Variants in PRSS23 observed in about 807,000 individuals in gnomAD.
PRSS23 encodes the protein protease, serine 23.
A neutral mutation model predicts 34.7 loss-of-function variants in PRSS23; 25 were observed. That is an observed-to-expected ratio of 0.72 (90% CI 0.53 to 1.01). PRSS23 has a LOEUF of 1.01. PRSS23 is among the 50% of genes least tolerant of loss of function. The pLI, the probability that PRSS23 is intolerant of heterozygous loss-of-function variation, is 0.00. For missense variants in PRSS23, 445 were observed against 475.6 expected, an observed-to-expected ratio of 0.94 and a Z score of 0.60; for synonymous variants, 176 against 186.6, an observed-to-expected ratio of 0.94 and a Z score of 0.46.
intron 2 of PRSS23, chr11:86,922,000 G>A (rs1382082962): frequency 6.6e-6 from 1 of 152,118 alleles, no homozygotes; most frequent in Non-Finnish European, 1.5e-5. Context: ...GGCTTCCAAG[G>A]CACAAAGCAG....
intron 2 of PRSS23, among the ~76,000 whole-genome samples, chr11:86,941,457 C>T (rs1346358976): frequency 6.6e-6 from 1 of 151,370 alleles, no homozygotes; most frequent in Non-Finnish European, 1.5e-5. Flanking sequence ...GTGGCTGGCA[C>T]ACGATGGACC....
chr11:86,892,123 ACTGGGGAACC>A (rs1164241864), intron 2 of PRSS23: 3 of 152,240 alleles, frequency 2.0e-5, no homozygotes. Flanking sequence ...ATAGCCAGAA[ACTGGGGAACC>A]CAAAGCCAAC....
intron 2 of PRSS23, among the ~76,000 whole-genome samples, chr11:86,920,237 A>T (rs1208530009): frequency 1.3e-5 from 2 of 152,182 alleles, no homozygotes; most frequent in African/African-American, 4.8e-5. Flanking sequence ...CCATTCATAA[A>T]ATAAGAAAAA....
intron 2 of PRSS23, among the ~76,000 whole-genome samples, chr11:86,829,133 G>A (rs565143817): frequency 9.2e-5 from 14 of 152,186 alleles, no homozygotes; most frequent in Non-Finnish European, 1.9e-4. Context: ...AGGTACACCA[G>A]TCAGATGTAG....
intron 2 of PRSS23, among the ~76,000 whole-genome samples, chr11:86,853,403 G>A (rs1411771500): frequency 6.6e-6 from 1 of 150,972 alleles, no homozygotes; most frequent in Admixed American, 6.6e-5. Flanking sequence ...ACAGGCATGC[G>A]CCACCATGCC....
At chr11:86,826,457 T>C (rs924806684) in intron 2 of PRSS23, among the ~76,000 whole-genome samples, 6 of 152,116 alleles carry the variant, frequency 3.9e-5, no homozygotes, top group African/African-American at 7.2e-5. Context: ...ATTTGACTTC[T>C]TCTTTTCCTA....
chr11:86,901,733 C>T (rs1446738170), intron 2 of PRSS23, among the ~76,000 whole-genome samples: 1 of 152,124 alleles, frequency 6.6e-6, no homozygotes, highest in Non-Finnish European at 1.5e-5. Flanking sequence ...ATTAGCTGTA[C>T]CTCCAGAGAA....
chr11:86,860,180 A>T (rs1429018915), intron 2 of PRSS23, among the ~76,000 whole-genome samples: 4 of 151,832 alleles, frequency 2.6e-5, no homozygotes, highest in South Asian at 2.1e-4. Context: ...ATATGGGGAG[A>T]GGAAGATATT....
At chr11:86,818,993 G>A (rs2134871008) in intron 1 of PRSS23, among the ~76,000 whole-genome samples, 1 of 152,266 alleles carries the variant, frequency 6.6e-6, no homozygotes, top group South Asian at 2.1e-4. Context: ...GTAATCTGGT[G>A]GCACAGGATG....
chr11:86,848,789 A>C (rs1459163956), intron 2 of PRSS23, among the ~76,000 whole-genome samples: 1 of 152,174 alleles, frequency 6.6e-6, no homozygotes, highest in Non-Finnish European at 1.5e-5. Context: ...ATGGAAAAGC[A>C]AGATAAGAGA....
Position 86,808,534 on chromosome 11 carries a change from C to G in PRSS23, c.891C>G (p.Val297=), listed in dbSNP as rs1353097175. 1 of 1,614,092 alleles carries G rather than the reference C, an allele frequency of 6.2e-7. No homozygotes were observed. The highest frequency in any genetic ancestry group is 8.5e-7 in the Non-Finnish European group (1 of 1,180,056). The change falls in exon 2 of 2, where the codon GTC becomes GTG. Residue 297 remains valine (V), a synonymous_variant. Coordinates refer to ENST00000280258, the MANE Select transcript of PRSS23 (RefSeq NM_007173.6). ...ATTTGGTGTATCGCTTCTGTGACGTCAAAGACGAGACCTATGACTTGCTCT... is the reference window on the plus strand; with the variant it reads ...ATTTGGTGTATCGCTTCTGTGACGTGAAAGACGAGACCTATGACTTGCTCT... The part of the protein sequence containing the change: ...PGNLVYRFCD[V]KDETYDLLYQ...
intron 2 of PRSS23, among the ~76,000 whole-genome samples, chr11:86,836,321 G>T (rs2134896943): frequency 6.6e-6 from 1 of 152,174 alleles, no homozygotes; most frequent in South Asian, 2.1e-4. Flanking sequence ...TGGGCCTTGG[G>T]GTCTAAGGGG....
At chr11:86,811,731 G>A (rs940192419), downstream of PRSS23, among the ~76,000 whole-genome samples, 1 of 152,078 alleles carries the variant, frequency 6.6e-6, no homozygotes, top group Non-Finnish European at 1.5e-5. Context: ...ACCTGGTGAT[G>A]CCTGGATCAT....
chr11:86,881,270 T>A (rs1487491936), intron 2 of PRSS23, among the ~76,000 whole-genome samples: 2 of 151,646 alleles, frequency 1.3e-5, no homozygotes, highest in Non-Finnish European at 2.9e-5. Context: ...TTTTTTTTTT[T>A]TATCATGAAA....
At chr11:86,907,173 G>A (rs1948948945) in intron 2 of PRSS23, among the ~76,000 whole-genome samples, 2 of 152,042 alleles carry the variant, frequency 1.3e-5, no homozygotes, top group Admixed American at 6.5e-5. Context: ...GTGTATATAC[G>A]TACATGTATA....
chr11:86,805,870 A>T (rs1948095096), intron 1 of PRSS23, among the ~76,000 whole-genome samples: 1 of 152,214 alleles, frequency 6.6e-6, no homozygotes, highest in African/African-American at 2.4e-5. Context: ...AATGAGAATA[A>T]CAAAACAGTT....
At position 86,890,161 on chromosome 11, in the gene PRSS23, C is replaced by T. The variant is rs1234095055; in HGVS notation, c.207-61055C>T. Among the ~76,000 whole-genome samples the T allele has an allele frequency of 2.6e-5, 4 of 152,184 alleles. No individual in the cohort carries two copies. The East Asian group carries it at 7.7e-4, about 29-fold the overall frequency. On this transcript the variant is annotated intron_variant, in intron 2 of 2. Coordinates refer to the PRSS23 transcript ENST00000533902. ...TGGTGCACACCTGTAATCCTAGCTA[C>T]TCAGAGGCTGAGGCATGAGAATCCT...
At chr11:86,803,446 C>T (rs1479649935) in intron 1 of PRSS23, among the ~76,000 whole-genome samples, 2 of 152,136 alleles carry the variant, frequency 1.3e-5, no homozygotes, top group African/African-American at 4.8e-5. Context: ...CACAGGCTTA[C>T]CCAGGGTTTA....
chr11:86,822,536 G>A (rs763519303), intron 1 of PRSS23, among the ~76,000 whole-genome samples: 4 of 151,462 alleles, frequency 2.6e-5, no homozygotes, highest in African/African-American at 4.9e-5. Flanking sequence ...TGGGAGGATA[G>A]CTTGAGCCTG....
Sources: gnomAD v4.1 joint callset for allele counts (sites outside exome capture counted in the v4.1 genomes callset) on GRCh38, gnomAD v4.1.1 for gene constraint, MANE v1.5 for transcripts, NCBI Gene and HGNC (gene_info 2026-07-23, HGNC 2026-07-21) for gene names.